Variants in UCHL3 observed in about 807,000 individuals in gnomAD.
The protein encoded by UCHL3 is ubiquitin C-terminal hydrolase L3.
In UCHL3, 22 loss-of-function variants were observed where a neutral mutation model predicts 35.8. That is an observed-to-expected ratio of 0.61 (90% CI 0.44 to 0.88). The LOEUF is 0.88. Among genes scored for constraint, UCHL3 ranks in the 40% least tolerant of loss-of-function variants. The pLI is 0.00. For synonymous variants in UCHL3, 90 were observed against 92.8 expected, an observed-to-expected ratio of 0.97 and a Z score of 0.17; for missense variants, 229 against 276.9, an observed-to-expected ratio of 0.83 and a Z score of 1.23.
At chr13:75,603,307 C>T (rs746080201) in intron 7 of UCHL3, among the ~76,000 whole-genome samples, 73 of 152,254 alleles carry the variant, frequency 4.8e-4, no homozygotes, top group Middle Eastern at 3.4e-3. Flanking sequence ...ATGAATGACA[C>T]ACACACAGAA....
intron 8 of UCHL3, 114 bp downstream of exon 8, chr13:75,604,941 T>C: frequency 1.2e-6 from 1 of 865,614 alleles, no homozygotes; most frequent in African/African-American, 1.8e-5. Context: ...TTATCCTTGT[T>C]CTCTCTAGAA....
Position 75,603,518 on chromosome 13 carries a change from T to A in UCHL3, c.551-1251T>A, listed in dbSNP as rs111551475. On this transcript the variant is annotated intron_variant, in intron 7 of 8. Transcript: ENST00000377595. ...AAAGGAAAAAATATATATTAATTTATAATTTGGTTAGGGAGGGAACAGCCT... is the reference window on the plus strand; with the variant it reads ...AAAGGAAAAAATATATATTAATTTAAAATTTGGTTAGGGAGGGAACAGCCT... 3.4e-3 allele frequency among the ~76,000 whole-genome samples: 524 copies of A among 152,222 alleles called. 2 individuals carry two copies. Among genetic ancestry groups the A allele is most frequent in the African/African-American group, 0.012 (505 of 41,540 alleles).
rs1433813795 is a variant in UCHL3 at position 75,566,701 on chromosome 13, G to A, written c.190G>A (p.Val64Ile). 24 of 1,525,454 alleles carry A rather than the reference G, an allele frequency of 1.6e-5. No homozygotes were observed. Among genetic ancestry groups the A allele is most frequent in the Non-Finnish European group, 2.0e-5 (23 of 1,134,532 alleles). The allele number at this position is 1,525,454 out of a possible 1,614,324, so 94.5% of individuals were successfully genotyped here. ...LLFPITEKYEVFRTEEEEKIK... is the reference protein window; with the variant it reads ...LLFPITEKYEIFRTEEEEKIK... ...GACTTTTTTTTTTTAATAGTATGAA[G>A]TATTCAGAACAGAAGAGGAAGAAAA... The change falls in exon 4 of 9, where the codon GTA (valine) becomes ATA (isoleucine). Residue 64 changes from valine (V) to isoleucine (I), a missense_variant. Val to Ile is a conservative substitution (Grantham distance 29). Coordinates refer to ENST00000377595, the MANE Select transcript of UCHL3 (RefSeq NM_006002.5).
intron 2 of UCHL3, among the ~76,000 whole-genome samples, chr13:75,559,044 T>A (rs1448177579): frequency 8.0e-6 from 1 of 124,444 alleles, no homozygotes; most frequent in African/African-American, 3.2e-5. Context: ...TTTTTTTTTT[T>A]TTTTTTTTTT....
chr13:75,559,859 A>C (rs2031433428), intron 2 of UCHL3, among the ~76,000 whole-genome samples: 1 of 152,196 alleles, frequency 6.6e-6, no homozygotes, highest in Non-Finnish European at 1.5e-5. Flanking sequence ...TGTACTTAAA[A>C]AGTTATCAGC....
At chr13:75,594,506 G>A (rs1017169095) in intron 6 of UCHL3, among the ~76,000 whole-genome samples, 3 of 152,126 alleles carry the variant, frequency 2.0e-5, no homozygotes, top group Admixed American at 6.5e-5. Context: ...GTTTCTTTAA[G>A]CTGTTAGGTG....
chr13:75,579,570 T>C (rs2032122002), intron 6 of UCHL3, among the ~76,000 whole-genome samples: 1 of 152,008 alleles, frequency 6.6e-6, no homozygotes, highest in Non-Finnish European at 1.5e-5. Context: ...TCCTCTCCAT[T>C]TCTCTCCTTT....
chr13:75,583,203 C>A (rs115937785), intron 6 of UCHL3, among the ~76,000 whole-genome samples: 2,093 of 152,160 alleles, frequency 0.014, 66 homozygotes, highest in African/African-American at 0.048. Context: ...GCCCCCAGGC[C>A]TTACAAAGTA....
intron 6 of UCHL3, among the ~76,000 whole-genome samples, chr13:75,574,572 G>T (rs551427764): frequency 6.6e-6 from 1 of 152,280 alleles, no homozygotes; most frequent in African/African-American, 2.4e-5. Flanking sequence ...GCACAAAATA[G>T]AAATAATGGC....
chr13:75,549,739 C>T, upstream of UCHL3: 2 of 1,436,254 alleles, frequency 1.4e-6, no homozygotes, highest in Admixed American at 2.7e-5. Context: ...TGGGAGGGCC[C>T]AGGTCAAGGC....
chr13:75,584,489 C>A (rs2032270274), intron 6 of UCHL3, among the ~76,000 whole-genome samples: 1 of 152,196 alleles, frequency 6.6e-6, no homozygotes, highest in Non-Finnish European at 1.5e-5. Flanking sequence ...AAACAGTAAA[C>A]TCTTGACTAG....
At chr13:75,567,135 C>G in intron 4 of UCHL3, 92 bp from the exon 5 acceptor site, 2 of 1,211,588 alleles carry the variant, frequency 1.7e-6, no homozygotes, top group Non-Finnish European at 2.4e-6. Flanking sequence ...AGAATTTAAC[C>G]TGAAAAATAG....
At position 75,560,748 on chromosome 13, in the gene UCHL3, A is replaced by C; in HGVS notation, c.55-5A>C. ...TGTTTTTTTTTTCTTTCTTTCTTTT[A>C]CCAGTTTCTTAAACAATTAGGTCTA... On this transcript the variant is annotated splice_region_variant and splice_polypyrimidine_tract_variant and intron_variant, in intron 2 of 8. Transcript: ENST00000377595. 6.3e-7 allele frequency: 1 copy of C among 1,587,812 alleles called. No individual in the cohort carries two copies. Among genetic ancestry groups the C allele is most frequent in the Non-Finnish European group, 8.5e-7 (1 of 1,171,800 alleles).
chr13:75,573,474 A>G (rs953414570), intron 6 of UCHL3, among the ~76,000 whole-genome samples: 1 of 152,132 alleles, frequency 6.6e-6, no homozygotes, highest in Non-Finnish European at 1.5e-5. Flanking sequence ...ATTTATTATT[A>G]CACAGTTCTT....
rs199605560 is a variant in UCHL3 at position 75,549,807 on chromosome 13, C to T, written c.-14C>T. 2.7e-4 allele frequency: 422 copies of T among 1,546,024 alleles called. 1 individual carries two copies. The highest frequency in any genetic ancestry group is 6.1e-4 in the African/African-American group (44 of 72,486). ...GCGGCGGCTGTCAGAGCTGGAGGGC[C>T]GGGCACCGCGGCCATGGAGGGTCAA... On this transcript the variant is annotated 5_prime_UTR_variant, in exon 1 of 9. Transcript: ENST00000377595.
intron 6 of UCHL3, among the ~76,000 whole-genome samples, chr13:75,592,415 C>CAT (rs546657200): frequency 5.7e-4 from 23 of 40,622 alleles, no homozygotes; most frequent in Non-Finnish European, 7.8e-4. Flanking sequence ...ATTTTTCCTT[C>CAT]ATATATATAT....
chr13:75,569,397 G>T, intron 5 of UCHL3, 63 bp from the exon 6 acceptor site: 1 of 1,340,178 alleles, frequency 7.5e-7, no homozygotes, highest in African/African-American at 1.5e-5. Context: ...TAGCTTTGTT[G>T]TCTTCATTTA....
chr13:75,579,678 C>G (rs1014175966), intron 6 of UCHL3, among the ~76,000 whole-genome samples: 4 of 152,070 alleles, frequency 2.6e-5, no homozygotes, highest in Non-Finnish European at 5.9e-5. Flanking sequence ...ACCGAACTTA[C>G]CAGTTCACAC....
chr13:75,581,823 A>C (rs1177218581), intron 6 of UCHL3, among the ~76,000 whole-genome samples: 1 of 152,090 alleles, frequency 6.6e-6, no homozygotes, highest in Non-Finnish European at 1.5e-5. Context: ...AAGTGCATGC[A>C]CACTAACTGT....
Sources: gnomAD v4.1 joint callset for allele counts (sites outside exome capture counted in the v4.1 genomes callset) on GRCh38, gnomAD v4.1.1 for gene constraint, MANE v1.5 for transcripts, NCBI Gene and HGNC (gene_info 2026-07-23, HGNC 2026-07-21) for gene names.